The following STARD13 variants were observed in gnomAD, a reference collection of about 807,000 sequenced individuals.
The protein encoded by STARD13 is StAR related lipid transfer domain containing 13, also known as stAR-related lipid transfer protein 13.
A neutral mutation model predicts 106.4 loss-of-function variants in STARD13; 62 were observed. The observed-to-expected ratio is 0.58, with a 90% CI of 0.48 to 0.72. The LOEUF (loss-of-function observed/expected upper bound fraction) is 0.72, where lower values mean the gene tolerates loss of function less well. Among genes scored for constraint, STARD13 ranks in the 30% least tolerant of loss-of-function variants. The probability of loss-of-function intolerance (pLI) is 0.00; values close to 1 mark genes in which losing one functional copy is unlikely to be tolerated. For synonymous variants in STARD13, 565 were observed against 553.0 expected, an observed-to-expected ratio of 1.02 and a Z score of -0.31; for missense variants, 1,387 against 1,424.0, an observed-to-expected ratio of 0.97 and a Z score of 0.42.
intron 1 of STARD13, among the ~76,000 whole-genome samples, chr13:33,327,211 C>T (rs1211134125): frequency 6.6e-6 from 1 of 152,128 alleles, no homozygotes; most frequent in African/African-American, 2.4e-5. Context: ...ACATGTAATA[C>T]CTACATATCT....
the STARD13 span, among the ~76,000 whole-genome samples, chr13:33,674,857 C>T: frequency 6.6e-6 from 1 of 152,034 alleles, no homozygotes; most frequent in African/African-American, 2.4e-5. Flanking sequence ...GCTCTGATGT[C>T]GTGTCTGGTT....
the STARD13 span, chr13:33,524,267 T>G: frequency 3.1e-6 from 4 of 1,280,024 alleles, no homozygotes; most frequent in Non-Finnish European, 4.1e-6. Context: ...CCAGTTGACA[T>G]TTGGCTTGGC....
At chr13:33,275,297 A>G (rs1891369172) in intron 1 of STARD13, among the ~76,000 whole-genome samples, 1 of 152,240 alleles carries the variant, frequency 6.6e-6, no homozygotes, top group South Asian at 2.1e-4. Context: ...CAAAGTGTAT[A>G]ACTTACTCAA....
the STARD13 span, among the ~76,000 whole-genome samples, chr13:33,468,184 T>G: frequency 6.6e-6 from 1 of 152,232 alleles, no homozygotes; most frequent in Admixed American, 6.5e-5. Flanking sequence ...AATTCAATAT[T>G]CTAAATCGGA....
intron 3 of STARD13, among the ~76,000 whole-genome samples, chr13:33,154,331 T>A (rs1881686309): frequency 6.6e-6 from 1 of 152,162 alleles, no homozygotes; most frequent in Non-Finnish European, 1.5e-5. Flanking sequence ...AATACTGACC[T>A]CTGTTCCAGT....
In STARD13 at chr13:33,127,510, C is replaced by T. The variant is rs771633917; in HGVS notation, c.1785G>A (p.Gln595=). ...GGGGCGATGCTGGGGCCGGCCGGGG[C>T]TGGTGCGACAGCTGGAAACTGTTCC... ...LRWNSFQLSH[Q]PRPAPASPHI... The change falls in exon 6 of 14, where the codon CAG becomes CAA. Residue 595 remains glutamine, a synonymous_variant. Coordinates refer to ENST00000336934, the MANE Select transcript of STARD13 (RefSeq NM_178006.4). The T allele has an allele frequency of 3.2e-6, 5 of 1,572,608 alleles. No homozygotes were observed. In the South Asian group the frequency reaches 5.7e-5, roughly 18 times the overall value.
chr13:33,601,647 A>G, the STARD13 span, among the ~76,000 whole-genome samples: 1 of 152,214 alleles, frequency 6.6e-6, no homozygotes, highest in Non-Finnish European at 1.5e-5. Context: ...GCCCAAAGTT[A>G]CCCAGTTCCC....
chr13:33,121,567 C>CA lies in STARD13; in HGVS notation c.2083-3305dup, dbSNP rs1240533382. ...TGGGCAACAGAGCCAGACTCCACCTCAAAAAAAAAAAAAAAAAGTTTCCAA... is the reference window on the plus strand; with the variant it reads ...TGGGCAACAGAGCCAGACTCCACCTCAAAAAAAAAAAAAAAAAAGTTTCCAA... On this transcript the variant is annotated intron_variant, in intron 7 of 13. Transcript: ENST00000336934. Among the ~76,000 whole-genome samples, 422 of 65,042 alleles carry CA rather than the reference C, an allele frequency of 6.5e-3. 4 individuals carry two copies. In the East Asian group the frequency reaches 0.071, roughly 11 times the overall value. The allele number at this position is 65,042 out of a possible 152,430, so 42.7% of individuals were successfully genotyped here.
At chr13:33,467,081 T>C in the STARD13 span, among the ~76,000 whole-genome samples, 56 of 152,128 alleles carry the variant, frequency 3.7e-4, no homozygotes, top group Admixed American at 1.0e-3. Flanking sequence ...TCAAAAACAT[T>C]ACATTTATTG....
At chr13:33,154,048 A>G (rs185494410) in intron 3 of STARD13, among the ~76,000 whole-genome samples, 1 of 152,298 alleles carries the variant, frequency 6.6e-6, no homozygotes, top group East Asian at 1.9e-4. Context: ...CTGTTGGAAA[A>G]TGCAGATTCT....
the STARD13 span, among the ~76,000 whole-genome samples, chr13:33,642,677 A>ACAC: frequency 6.6e-6 from 1 of 152,266 alleles, no homozygotes; most frequent in South Asian, 2.1e-4. Flanking sequence ...GCCCTGAGTC[A>ACAC]CACAGTCAGT....
At chr13:33,119,839 C>T (rs908092831) in intron 7 of STARD13, among the ~76,000 whole-genome samples, 3 of 152,094 alleles carry the variant, frequency 2.0e-5, no homozygotes, top group East Asian at 1.9e-4. Context: ...TTAGATGATT[C>T]GCCACAAAGA....
the STARD13 span, among the ~76,000 whole-genome samples, chr13:33,660,422 T>C: frequency 6.6e-3 from 1,008 of 152,346 alleles, 7 homozygotes; most frequent in Admixed American, 0.012. Context: ...AAATCTTACA[T>C]TTTGTCTGAC....
At chr13:33,558,346 A>C in the STARD13 span, among the ~76,000 whole-genome samples, 1 of 152,218 alleles carries the variant, frequency 6.6e-6, no homozygotes, top group Non-Finnish European at 1.5e-5. Flanking sequence ...TTTTAAAAAC[A>C]AAAAAGTACC....
the STARD13 span, among the ~76,000 whole-genome samples, chr13:33,622,638 A>G: frequency 6.9e-6 from 1 of 144,480 alleles, no homozygotes; most frequent in African/African-American, 2.7e-5. Context: ...AAAAAAAAAA[A>G]AGGCTGGGCG....
intron 1 of STARD13, among the ~76,000 whole-genome samples, chr13:33,200,879 A>G (rs1171296703): frequency 6.6e-6 from 1 of 150,890 alleles, no homozygotes; most frequent in Admixed American, 6.6e-5. Flanking sequence ...ACAAAAAATT[A>G]GCCGGGCATG....
the STARD13 span, among the ~76,000 whole-genome samples, chr13:33,523,601 G>A: frequency 6.6e-6 from 1 of 151,728 alleles, no homozygotes; most frequent in East Asian, 1.9e-4. Flanking sequence ...TTTAAAAAGT[G>A]AAAAAAATTT....
the STARD13 span, among the ~76,000 whole-genome samples, chr13:33,541,182 A>G: frequency 6.6e-6 from 1 of 152,222 alleles, no homozygotes; most frequent in African/African-American, 2.4e-5. Context: ...GAAAAAAAAA[A>G]GTAAGCAACT....
chr13:33,527,509 C>A, the STARD13 span, among the ~76,000 whole-genome samples: 1 of 152,032 alleles, frequency 6.6e-6, no homozygotes, highest in African/African-American at 2.4e-5. Context: ...TCCTCCTAAT[C>A]TTTGCCCAAA....
Sources: gnomAD v4.1 joint callset for allele counts (sites outside exome capture counted in the v4.1 genomes callset) on GRCh38, gnomAD v4.1.1 for gene constraint, MANE v1.5 for transcripts, NCBI Gene and HGNC (gene_info 2026-07-23, HGNC 2026-07-21) for gene names.